The following OTOG variants were observed in gnomAD, a reference collection of about 807,000 sequenced individuals.
The protein encoded by OTOG is otogelin.
In OTOG, 296 loss-of-function variants were observed where a neutral mutation model predicts 313.8. The ratio of observed to expected loss-of-function variants is 0.94; its 90% confidence interval spans 0.86 to 1.04. The LOEUF is 1.04. Ranked by LOEUF, OTOG falls within the 50% of genes least tolerant of loss-of-function variation. The probability of loss-of-function intolerance (pLI) is 0.00; values close to 1 mark genes in which losing one functional copy is unlikely to be tolerated. For missense variants in OTOG, 3,948 were observed against 3,840.1 expected, an observed-to-expected ratio of 1.03 and a Z score of -0.74; for synonymous variants, 1,533 against 1,554.9, an observed-to-expected ratio of 0.99 and a Z score of 0.33.
intron 24 of OTOG, among the ~76,000 whole-genome samples, chr11:17,590,537 T>G (rs1444207726): frequency 1.3e-5 from 2 of 152,256 alleles, no homozygotes; most frequent in Non-Finnish European, 2.9e-5. Context: ...CTGGTCTTTC[T>G]GCTTCCCCTT....
Position 17,635,520 on chromosome 11 carries a change from T to C in OTOG, c.7694-90T>C, listed in dbSNP as rs1461146038. On this transcript the variant is annotated intron_variant, in intron 46 of 55. Coordinates refer to ENST00000399397, the MANE Select transcript of OTOG (RefSeq NM_001292063.2). The stretch of plus-strand genomic sequence containing the variant: ...TAGTTAGCTCCTGCCACACCTGGGT[T>C]GTTGAGGAGGCCCCACCCCCAGCAA... The C allele has an allele frequency of 6.2e-6, 6 of 966,828 alleles. No homozygotes were observed. In the East Asian group the frequency reaches 1.3e-4, roughly 21 times the overall value. 59.9% of individuals were successfully genotyped at this position (966,828 alleles called of 1,614,324 possible).
intron 20 of OTOG, among the ~76,000 whole-genome samples, chr11:17,576,177 A>T (rs1237600279): frequency 1.3e-5 from 2 of 152,202 alleles, no homozygotes; most frequent in Non-Finnish European, 2.9e-5. Context: ...TGACCAGGAC[A>T]CCTGTGTCAG....
chr11:17,562,047 ATATAT>A lies in OTOG; in HGVS notation c.1644+241_1644+245del, dbSNP rs771191112. 0.063 allele frequency among the ~76,000 whole-genome samples: 6,680 copies of A among 105,282 alleles called. 181 individuals carry two copies. The highest frequency in any genetic ancestry group is 0.12 in the African/African-American group (3,086 of 26,174). 69.1% of individuals were successfully genotyped at this position (105,282 alleles called of 152,430 possible). A position where few individuals can be genotyped will look rare whatever the true frequency, so the allele number is the denominator to read the frequency against. ...TAGGATTTTACTACCTAAAAAAAAAATATATATATATATATATATATATATGTATG... is the reference window on the plus strand; with the variant it reads ...TAGGATTTTACTACCTAAAAAAAAAAATATATATATATATATATATGTATG... On this transcript the variant is annotated intron_variant, in intron 15 of 55. Coordinates refer to ENST00000399397, the MANE Select transcript of OTOG (RefSeq NM_001292063.2).
At position 17,612,864 on chromosome 11, in the gene OTOG, G is replaced by T. The variant is rs543721610; in HGVS notation, c.6438+99G>T. On this transcript the variant is annotated intron_variant, in intron 38 of 55. Transcript: ENST00000399397. ...AGCCAGGGTACCAGAGGCAAAGACA[G>T]ATGTGGAAGCCCCCCTGAGCTCCCT... 12 of 1,374,044 alleles carry T rather than the reference G, an allele frequency of 8.7e-6. No homozygotes were observed. In the Admixed American group the frequency reaches 2.7e-4, roughly 30 times the overall value. The allele number at this position is 1,374,044 out of a possible 1,614,324, so 85.1% of individuals were successfully genotyped here. A position where few individuals can be genotyped will look rare whatever the true frequency, so the allele number is the denominator to read the frequency against.
At chr11:17,567,222 G>C (rs1175487106) in intron 15 of OTOG, among the ~76,000 whole-genome samples, 1 of 152,244 alleles carries the variant, frequency 6.6e-6, no homozygotes, top group African/African-American at 2.4e-5. Flanking sequence ...GAGGGGACTA[G>C]AGGATGAGTG....
intron 23 of OTOG, among the ~76,000 whole-genome samples, chr11:17,581,146 C>G (rs1293176364): frequency 1.3e-5 from 2 of 152,128 alleles, no homozygotes; most frequent in Non-Finnish European, 2.9e-5. Flanking sequence ...GAGCACCCAG[C>G]AGTTCACCCT....
intron 33 of OTOG, among the ~76,000 whole-genome samples, chr11:17,606,526 G>C (rs1418872030): frequency 1.3e-5 from 2 of 152,198 alleles, no homozygotes. Flanking sequence ...CTGCACAAGG[G>C]GGATAGGTCT....
chr11:17,571,883 G>A (rs950355352), intron 17 of OTOG, among the ~76,000 whole-genome samples, 197 bp from the exon 18 acceptor site: 1 of 152,184 alleles, frequency 6.6e-6, no homozygotes, highest in African/African-American at 2.4e-5. Context: ...TGCTCTGTGT[G>A]TGTGTTGAGA....
At chr11:17,562,237 C>CAAAAAAA (rs759962274) in intron 15 of OTOG, among the ~76,000 whole-genome samples, 9 of 62,676 alleles carry the variant, frequency 1.4e-4, no homozygotes, top group African/African-American at 3.8e-4. Context: ...GACTCCGTCT[C>CAAAAAAA]AAAAAAAAAA....
At chr11:17,568,849 CA>C (rs1257738115) in intron 15 of OTOG, among the ~76,000 whole-genome samples, 4 of 152,182 alleles carry the variant, frequency 2.6e-5, no homozygotes, top group African/African-American at 9.7e-5. Flanking sequence ...CAGTGTTTCT[CA>C]GGCTGGACTC....
intron 49 of OTOG, among the ~76,000 whole-genome samples, chr11:17,639,915 G>GCATGGTGGTGGTGGT: frequency 6.8e-6 from 1 of 147,524 alleles, no homozygotes; most frequent in African/African-American, 2.6e-5. Flanking sequence ...GTGATGGTGA[G>GCATGGTGGTGGTGGT]GATGGTGGTG....
At chr11:17,581,153 C>A (rs770663557) in intron 23 of OTOG, among the ~76,000 whole-genome samples, 58 of 152,108 alleles carry the variant, frequency 3.8e-4, no homozygotes, top group African/African-American at 1.3e-3. Flanking sequence ...CAGCAGTTCA[C>A]CCTGAAGTGT....
chr11:17,638,861 G>C (rs56254591), intron 48 of OTOG: 22 of 1,200,390 alleles, frequency 1.8e-5, no homozygotes, highest in Non-Finnish European at 2.4e-5. Flanking sequence ...ACTTTGAGAG[G>C]CCAAGGCGGG....
At position 17,608,879 on chromosome 11, in the gene OTOG, G is replaced by A. The variant is rs540129856; in HGVS notation, c.4275-251G>A. Reference sequence around the variant, plus strand: ...GTGTGTGCAGAAGTGTACCTTGCTCGTGTGTGTGTTTCCCTCTCGGTCTGA... The same window carrying A: ...GTGTGTGCAGAAGTGTACCTTGCTCATGTGTGTGTTTCCCTCTCGGTCTGA... On this transcript the variant is annotated intron_variant, in intron 34 of 55. Transcript: ENST00000399397. Among the ~76,000 whole-genome samples the A allele has an allele frequency of 6.6e-5, 10 of 152,234 alleles. No individual in the cohort carries two copies. In the East Asian group the frequency reaches 7.7e-4, roughly 12 times the overall value.
chr11:17,625,720 G>T (rs572852860), intron 39 of OTOG, among the ~76,000 whole-genome samples: 1 of 152,074 alleles, frequency 6.6e-6, no homozygotes, highest in Non-Finnish European at 1.5e-5. Context: ...CAGATGTATG[G>T]TTTGCAAATA....
At chr11:17,596,258 C>CT in intron 29 of OTOG, 104 bp downstream of exon 29, 1 of 852,622 alleles carries the variant, frequency 1.2e-6, no homozygotes, top group Non-Finnish European at 1.9e-6. Context: ...CAGCTCAGAT[C>CT]TCCAGGGAAG....
At chr11:17,586,167 A>C (rs1273780694) in intron 23 of OTOG, among the ~76,000 whole-genome samples, 8 of 152,142 alleles carry the variant, frequency 5.3e-5, no homozygotes, top group African/African-American at 1.9e-4. Context: ...TTAGTATACA[A>C]CTAGTGCCTG....
At chr11:17,604,118 G>T (rs1026690447) in intron 32 of OTOG, among the ~76,000 whole-genome samples, 1 of 152,194 alleles carries the variant, frequency 6.6e-6, no homozygotes. Flanking sequence ...GGCGCCAGCC[G>T]TTTGGCTCCA....
chr11:17,594,072 A>C lies in OTOG; in HGVS notation c.3314A>C (p.Asn1105Thr). 1.3e-6 allele frequency: 2 copies of C among 1,550,572 alleles called. No homozygotes were observed. Among genetic ancestry groups the C allele is most frequent in the Non-Finnish European group, 1.7e-6 (2 of 1,146,990 alleles). Residue 1105 changes from asparagine to threonine, a missense_variant, in exon 28 of 56, where the codon AAC (asparagine) becomes ACC (threonine). By Grantham distance (65) the Asn-to-Thr change is moderately conservative (BLOSUM62 0). Transcript: ENST00000399397. ...GGCCAGCTGGCGGGCCTCTGTGGGA[A>C]CTTTGACTTAAAAACCATCAATGAG... is the stretch of plus-strand genomic sequence containing the variant. ...WQGQLAGLCG[N>T]FDLKTINEMR... is the part of the protein sequence containing the mutation.
Sources: allele counts gnomAD v4.1 joint callset (sites outside exome capture counted in the v4.1 genomes callset), GRCh38; gene constraint gnomAD v4.1.1; transcripts MANE v1.5; gene names NCBI Gene and HGNC (gene_info 2026-07-23, HGNC 2026-07-21).